The following GRID2 variants were observed in gnomAD, a reference collection of about 807,000 sequenced individuals.
The protein encoded by GRID2 is glutamate ionotropic receptor delta type subunit 2, also known as glutamate receptor ionotropic, delta-2.
Under a neutral mutation model 114.8 loss-of-function variants are expected in GRID2, and 33 were observed. The ratio of observed to expected loss-of-function variants is 0.29; its 90% CI spans 0.22 to 0.38. The LOEUF is 0.38. Among genes scored for constraint, GRID2 ranks in the 10% least tolerant of loss-of-function variants. The pLI is 1.00. For missense variants in GRID2, 1,184 were observed against 1,257.7 expected (o/e 0.94, Z 0.89); for synonymous variants, 505 against 449.9 (o/e 1.12, Z -1.55).
chr4:92,399,453 C>T (rs535158710), intron 1 of GRID2, among the ~76,000 whole-genome samples: 3 of 152,176 alleles, frequency 2.0e-5, no homozygotes, highest in Non-Finnish European at 4.4e-5. Context: ...GAAGTCATAT[C>T]GAAAGATGAT....
chr4:92,652,316 G>A (rs536931936), intron 2 of GRID2, among the ~76,000 whole-genome samples: 1 of 152,086 alleles, frequency 6.6e-6, no homozygotes, highest in African/African-American at 2.4e-5. Flanking sequence ...TGTTTTACCA[G>A]CCACCTGGGC....
intron 2 of GRID2, among the ~76,000 whole-genome samples, chr4:92,664,713 T>G (rs1270579235): frequency 6.6e-6 from 1 of 151,250 alleles, no homozygotes; most frequent in Non-Finnish European, 1.5e-5. Context: ...ATTTGATGTC[T>G]GTTATTAGGT....
intron 5 of GRID2, among the ~76,000 whole-genome samples, chr4:93,214,843 T>A (rs1484406846): frequency 6.6e-6 from 1 of 152,072 alleles, no homozygotes; most frequent in Non-Finnish European, 1.5e-5. Context: ...ATAATGTATC[T>A]TTACAGTTTT....
At position 93,395,664 on chromosome 4, in the gene GRID2, G is replaced by T; in HGVS notation, c.1303G>T (p.Glu435Ter). The T allele has an allele frequency of 6.3e-7, 1 of 1,584,938 alleles. No individual in the cohort carries two copies. Among genetic ancestry groups the T allele is most frequent in the Non-Finnish European group, 8.7e-7 (1 of 1,154,028 alleles). ...LNGSLTDKKL[E>*]NNMRGVVLRV... ...TGGGTCACTGACTGACAAGAAATTG[G>T]AGAATAACATGCGTGGAGTGGTTCT... The change falls in exon 9 of 16, where the codon GAG becomes TAG. Residue 435 changes from glutamate (E) to a stop codon, truncating the protein, a stop_gained. Coordinates refer to ENST00000282020, the MANE Select transcript of GRID2 (RefSeq NM_001510.4). LOFTEE classifies it high-confidence loss of function.
intron 1 of GRID2, among the ~76,000 whole-genome samples, chr4:92,550,793 A>G (rs867150157): frequency 6.6e-6 from 1 of 152,214 alleles, no homozygotes; most frequent in African/African-American, 2.4e-5. Context: ...AAAATGTAAT[A>G]CTTGAACTAA....
At chr4:93,541,958 G>A (rs1204622385) in intron 13 of GRID2, among the ~76,000 whole-genome samples, 1 of 152,092 alleles carries the variant, frequency 6.6e-6, no homozygotes, top group Non-Finnish European at 1.5e-5. Context: ...AATTTCCTGG[G>A]AATATTATAT....
chr4:92,779,410 C>T (rs926614352), intron 2 of GRID2, among the ~76,000 whole-genome samples: 4 of 152,100 alleles, frequency 2.6e-5, no homozygotes, highest in African/African-American at 4.8e-5. Flanking sequence ...TTTCTCATTA[C>T]TTTCTTTCTA....
chr4:92,588,194 A>T (rs1728541402), intron 1 of GRID2, among the ~76,000 whole-genome samples: 1 of 152,156 alleles, frequency 6.6e-6, no homozygotes, highest in Non-Finnish European at 1.5e-5. Context: ...TAAATTAGCA[A>T]GATAGGTCAA....
At chr4:93,494,606 T>C (rs1002770787) in intron 12 of GRID2, among the ~76,000 whole-genome samples, 3 of 151,788 alleles carry the variant, frequency 2.0e-5, no homozygotes, top group African/African-American at 7.2e-5. Flanking sequence ...TTTAATTTCA[T>C]ATCCCTTCAG....
intron 1 of GRID2, among the ~76,000 whole-genome samples, chr4:92,525,901 A>C (rs991593069): frequency 2.6e-5 from 4 of 152,142 alleles, no homozygotes; most frequent in African/African-American, 9.6e-5. Flanking sequence ...AAGAGAAGTT[A>C]AAGGGCTCTA....
At chr4:92,762,269 T>C (rs887572493) in intron 2 of GRID2, among the ~76,000 whole-genome samples, 1 of 152,062 alleles carries the variant, frequency 6.6e-6, no homozygotes, top group Non-Finnish European at 1.5e-5. Flanking sequence ...TTAAGAGCAA[T>C]TTCTTACTGA....
chr4:93,225,825 G>T (rs1335536396), intron 7 of GRID2, among the ~76,000 whole-genome samples: 1 of 152,110 alleles, frequency 6.6e-6, no homozygotes, highest in Admixed American at 6.6e-5. Flanking sequence ...TATAAAAAAT[G>T]GAAGTTTTTT....
chr4:92,978,057 A>T (rs1040073639), intron 2 of GRID2, among the ~76,000 whole-genome samples: 1 of 152,138 alleles, frequency 6.6e-6, no homozygotes, highest in African/African-American at 2.4e-5. Flanking sequence ...TAGTCTATAT[A>T]AGTAAGAGAA....
intron 8 of GRID2, among the ~76,000 whole-genome samples, chr4:93,239,102 G>T (rs982279100): frequency 6.8e-6 from 1 of 146,754 alleles, no homozygotes; most frequent in African/African-American, 2.5e-5. Flanking sequence ...TCTATAATTC[G>T]GATTTGCTAT....
intron 14 of GRID2, among the ~76,000 whole-genome samples, chr4:93,635,162 T>G (rs1721299014): frequency 6.6e-6 from 1 of 151,528 alleles, no homozygotes; most frequent in Non-Finnish European, 1.5e-5. Context: ...TACATCAGAC[T>G]TTTTTTTAAT....
chr4:92,957,297 A>G (rs954980353), intron 2 of GRID2, among the ~76,000 whole-genome samples: 6 of 152,022 alleles, frequency 3.9e-5, no homozygotes, highest in Non-Finnish European at 8.8e-5. Flanking sequence ...TTTTGCATTT[A>G]GGCCTGTGAT....
intron 1 of GRID2, among the ~76,000 whole-genome samples, chr4:92,390,442 C>T (rs1159208149): frequency 2.0e-5 from 3 of 152,112 alleles, no homozygotes; most frequent in African/African-American, 4.8e-5. Flanking sequence ...GGGTGGCTCT[C>T]CCTTGGTCCA....
At chr4:92,557,661 A>ATATATATGGTTATATAT (rs1726922378) in intron 1 of GRID2, among the ~76,000 whole-genome samples, 1 of 149,620 alleles carries the variant, frequency 6.7e-6, no homozygotes, top group African/African-American at 2.4e-5. Flanking sequence ...ATATATATAT[A>ATATATATGGTTATATAT]ACCAAACTGT....
intron 8 of GRID2, among the ~76,000 whole-genome samples, chr4:93,312,189 C>T (rs1478748330): frequency 6.6e-6 from 1 of 152,076 alleles, no homozygotes; most frequent in East Asian, 1.9e-4. Context: ...CCCTAAGGAA[C>T]TTACAGAAGT....
Sources: allele counts gnomAD v4.1 joint callset (sites outside exome capture counted in the v4.1 genomes callset), GRCh38; gene constraint gnomAD v4.1.1; transcripts MANE v1.5; gene names NCBI Gene and HGNC (gene_info 2026-07-23, HGNC 2026-07-21).